The following CNBD1 variants were observed in gnomAD, a reference collection of about 807,000 sequenced individuals.
CNBD1 encodes the protein cyclic nucleotide binding domain containing 1, also known as cyclic nucleotide-binding domain-containing protein 1.
Under a neutral mutation model 54.4 loss-of-function variants are expected in CNBD1, and 71 were observed. That is an observed-to-expected ratio of 1.30 (90% CI 1.08 to 1.59). The LOEUF (loss-of-function observed/expected upper bound fraction) is 1.59, where lower values mean the gene tolerates loss of function less well. CNBD1 is among the 40% of genes most tolerant of loss of function. The pLI, the probability that CNBD1 is intolerant of heterozygous loss-of-function variation, is 0.00. For missense variants in CNBD1, 659 were observed against 518.0 expected (o/e 1.27, Z -2.64); for synonymous variants, 182 against 170.7 (o/e 1.07, Z -0.51).
chr8:87,111,397 C>T (rs1192432809), intron 4 of CNBD1, among the ~76,000 whole-genome samples: 2 of 152,220 alleles, frequency 1.3e-5, no homozygotes, highest in Admixed American at 6.5e-5. Flanking sequence ...ATGTCGTTAT[C>T]TGCTCAAATC....
At chr8:87,234,713 G>C (rs921526007) in intron 5 of CNBD1, among the ~76,000 whole-genome samples, 6 of 152,152 alleles carry the variant, frequency 3.9e-5, no homozygotes, top group Non-Finnish European at 8.8e-5. Flanking sequence ...TTTTGGGATG[G>C]TAAAGGAGTA....
At position 86,897,302 on chromosome 8, in the gene CNBD1, G is replaced by A. The variant is rs140505735; in HGVS notation, c.159-7779G>A. Among the ~76,000 whole-genome samples, 87 of 152,292 alleles carry A rather than the reference G, an allele frequency of 5.7e-4. 1 individual carries two copies. The East Asian group carries it at 0.015, about 26-fold the overall frequency. On this transcript the variant is annotated intron_variant, in intron 2 of 10. Coordinates refer to ENST00000518476, the MANE Select transcript of CNBD1 (RefSeq NM_173538.3). ...GTACCTCAATATTTGAAACATATGG[G>A]TGTTTAATACAGAAATCTAGTTACC...
At chr8:87,335,393 T>C (rs1282884289) in intron 8 of CNBD1, among the ~76,000 whole-genome samples, 1 of 152,184 alleles carries the variant, frequency 6.6e-6, no homozygotes, top group African/African-American at 2.4e-5. Flanking sequence ...TGCTCCTGTA[T>C]TGGGTGTATA....
At chr8:87,274,337 A>G (rs1234910411) in intron 6 of CNBD1, among the ~76,000 whole-genome samples, 1 of 149,042 alleles carries the variant, frequency 6.7e-6, no homozygotes, top group Non-Finnish European at 1.5e-5. Flanking sequence ...ATCCCTGAGG[A>G]ATCGCCACAC....
At chr8:87,001,905 A>T (rs1406747292) in intron 4 of CNBD1, among the ~76,000 whole-genome samples, 1 of 152,052 alleles carries the variant, frequency 6.6e-6, no homozygotes, top group Non-Finnish European at 1.5e-5. Context: ...TTAGGAAGTC[A>T]CCTTTGTCTT....
At chr8:87,157,895 G>A (rs1023586210) in intron 4 of CNBD1, among the ~76,000 whole-genome samples, 2 of 152,264 alleles carry the variant, frequency 1.3e-5, no homozygotes, top group East Asian at 1.9e-4. Flanking sequence ...CAATGTTAGA[G>A]TTTACCAAAG....
At chr8:87,234,786 C>T (rs544675208) in intron 5 of CNBD1, among the ~76,000 whole-genome samples, 6 of 152,216 alleles carry the variant, frequency 3.9e-5, no homozygotes, top group South Asian at 2.1e-4. Context: ...GTCACCATCA[C>T]GAGCTGTATG....
At chr8:86,916,232 G>A (rs962008826) in intron 3 of CNBD1, among the ~76,000 whole-genome samples, 1 of 152,168 alleles carries the variant, frequency 6.6e-6, no homozygotes, top group Non-Finnish European at 1.5e-5. Context: ...TAGAGCAGGA[G>A]TGAAAGTGTA....
intron 2 of CNBD1, among the ~76,000 whole-genome samples, chr8:87,413,611 G>A (rs1016605234): frequency 4.0e-5 from 6 of 151,830 alleles, no homozygotes; most frequent in Middle Eastern, 6.8e-3. Context: ...TACACACTTA[G>A]AACCTACTCA....
chr8:87,345,376 C>A (rs1440191812), intron 8 of CNBD1, among the ~76,000 whole-genome samples: 1 of 152,120 alleles, frequency 6.6e-6, no homozygotes, highest in Non-Finnish European at 1.5e-5. Flanking sequence ...AGCATCTAAT[C>A]AGTCATTTGG....
At chr8:87,258,314 A>G (rs1263689866) in intron 6 of CNBD1, among the ~76,000 whole-genome samples, 2 of 152,142 alleles carry the variant, frequency 1.3e-5, no homozygotes, top group East Asian at 1.9e-4. Context: ...ACCTTTACTC[A>G]TTGATAAAGG....
chr8:87,262,610 C>T (rs2130850221), intron 6 of CNBD1, among the ~76,000 whole-genome samples: 1 of 152,258 alleles, frequency 6.6e-6, no homozygotes, highest in East Asian at 1.9e-4. Flanking sequence ...GACATCAGTG[C>T]TCCTGGTTCT....
intron 2 of CNBD1, among the ~76,000 whole-genome samples, chr8:87,390,730 C>A (rs1811290721): frequency 6.6e-6 from 1 of 152,112 alleles, no homozygotes; most frequent in Non-Finnish European, 1.5e-5. Flanking sequence ...ACCCAGCCAT[C>A]CCATTACTGG....
intron 4 of CNBD1, among the ~76,000 whole-genome samples, chr8:86,962,487 G>C (rs972428479): frequency 3.3e-5 from 5 of 152,034 alleles, no homozygotes; most frequent in Non-Finnish European, 7.4e-5. Flanking sequence ...AGTTTGCACA[G>C]AGAAAGAGAA....
At chr8:87,350,244 A>T (rs894984708) in intron 8 of CNBD1, among the ~76,000 whole-genome samples, 1 of 152,044 alleles carries the variant, frequency 6.6e-6, no homozygotes, top group Non-Finnish European at 1.5e-5. Flanking sequence ...TTTTAATATC[A>T]TTTTCTGCTG....
intron 8 of CNBD1, among the ~76,000 whole-genome samples, chr8:87,302,969 G>A (rs1054286332): frequency 1.9e-4 from 29 of 151,676 alleles, no homozygotes; most frequent in African/African-American, 7.0e-4. Context: ...ACAAACCACT[G>A]CTCAAGGAAA....
intron 4 of CNBD1, among the ~76,000 whole-genome samples, chr8:87,096,162 C>A (rs1042046984): frequency 6.6e-6 from 1 of 152,140 alleles, no homozygotes; most frequent in African/African-American, 2.4e-5. Flanking sequence ...GCTGCCACAA[C>A]AAATACCATA....
At chr8:87,004,525 G>A (rs1232188239) in intron 4 of CNBD1, among the ~76,000 whole-genome samples, 1 of 150,052 alleles carries the variant, frequency 6.7e-6, no homozygotes, top group Non-Finnish European at 1.5e-5. Context: ...TTCTATTTTT[G>A]CAAATTAGTA....
At chr8:87,271,627 A>C (rs1196899290) in intron 6 of CNBD1, among the ~76,000 whole-genome samples, 2 of 152,000 alleles carry the variant, frequency 1.3e-5, no homozygotes, top group African/African-American at 4.8e-5. Flanking sequence ...GAGGATGTGG[A>C]GAAAGAAAAA....
Sources: gnomAD v4.1 joint callset for allele counts (sites outside exome capture counted in the v4.1 genomes callset) on GRCh38, gnomAD v4.1.1 for gene constraint, MANE v1.5 for transcripts, NCBI Gene and HGNC (gene_info 2026-07-23, HGNC 2026-07-21) for gene names.